CPPED1: variants seen among roughly 807,000 people sequenced by gnomAD.
The protein encoded by CPPED1 is serine/threonine-protein phosphatase CPPED1.
CPPED1 carries 28 observed loss-of-function variants against 28.0 expected under a neutral mutation model. The ratio of observed to expected loss-of-function variants is 1.00; its 90% CI spans 0.74 to 1.37. CPPED1 has a LOEUF of 1.37. Among genes scored for constraint, CPPED1 ranks in the 40% most tolerant of loss-of-function variants. CPPED1 has a pLI of 0.00. For synonymous variants in CPPED1, 198 were observed against 180.2 expected (o/e 1.10, Z -0.79); for missense variants, 504 against 416.5 (o/e 1.21, Z -1.83).
intron 2 of CPPED1, among the ~76,000 whole-genome samples, chr16:12,722,974 T>G (rs899988463): frequency 6.6e-6 from 1 of 152,182 alleles, no homozygotes; most frequent in Non-Finnish European, 1.5e-5. Flanking sequence ...TACCCACTTC[T>G]TGACTCTCCT....
chr16:12,744,297 A>AAAGCAAGCAAGCAAGCAAGC (rs1167597052), intron 2 of CPPED1, among the ~76,000 whole-genome samples: 1 of 130,180 alleles, frequency 7.7e-6, no homozygotes, highest in African/African-American at 3.1e-5. Flanking sequence ...AGAGAGAGAG[A>AAAGCAAGCAAGCAAGCAAGC]AAGCAAGCAA....
intron 2 of CPPED1, among the ~76,000 whole-genome samples, chr16:12,707,962 C>A (rs1437094801): frequency 6.6e-6 from 1 of 152,120 alleles, no homozygotes; most frequent in Non-Finnish European, 1.5e-5. Flanking sequence ...ACCTGGCCAA[C>A]ATGGTGAAAC....
At chr16:12,775,078 C>G (rs1269723551) in intron 2 of CPPED1, among the ~76,000 whole-genome samples, 2 of 152,130 alleles carry the variant, frequency 1.3e-5, no homozygotes, top group African/African-American at 4.8e-5. Flanking sequence ...CCTTGGCCTC[C>G]CAAAGTGCTG....
intron 1 of CPPED1, among the ~76,000 whole-genome samples, chr16:12,803,205 G>C (rs963391398): frequency 6.6e-6 from 1 of 152,192 alleles, no homozygotes. Context: ...TGCTCTGATG[G>C]GGCAGTGTTA....
At chr16:12,675,642 G>C (rs933241313) in intron 3 of CPPED1, among the ~76,000 whole-genome samples, 1 of 152,170 alleles carries the variant, frequency 6.6e-6, no homozygotes, top group Non-Finnish European at 1.5e-5. Flanking sequence ...CTTGGTGTTG[G>C]GGCTTAGACC....
intron 2 of CPPED1, among the ~76,000 whole-genome samples, chr16:12,740,408 G>A (rs2080248935): frequency 6.7e-6 from 1 of 148,464 alleles, no homozygotes; most frequent in African/African-American, 2.5e-5. Flanking sequence ...TTGCACCACT[G>A]CACACCAACC....
At chr16:12,745,142 A>G (rs1363229144) in intron 2 of CPPED1, among the ~76,000 whole-genome samples, 1 of 152,180 alleles carries the variant, frequency 6.6e-6, no homozygotes, top group African/African-American at 2.4e-5. Flanking sequence ...AACTTCAAGC[A>G]GGCTAATAAG....
intron 1 of CPPED1, among the ~76,000 whole-genome samples, chr16:12,796,792 T>C (rs984602370): frequency 1.3e-5 from 2 of 152,150 alleles, no homozygotes; most frequent in African/African-American, 4.8e-5. Flanking sequence ...ATAGCAGCTT[T>C]ATTCCCAATA....
At chr16:12,800,424 T>A (rs1299882050) in intron 1 of CPPED1, among the ~76,000 whole-genome samples, 2 of 137,658 alleles carry the variant, frequency 1.5e-5, no homozygotes, top group Non-Finnish European at 3.0e-5. Context: ...AGAGCTAGAC[T>A]CTGTCTCAAA....
chr16:12,723,402 C>CAAGGTAAGT (rs767684762), intron 2 of CPPED1, among the ~76,000 whole-genome samples: 1 of 152,140 alleles, frequency 6.6e-6, no homozygotes, highest in Non-Finnish European at 1.5e-5. Flanking sequence ...GGGTCTCCAA[C>CAAGGTAAGT]AAGGTAAGTA....
chr16:12,769,130 G>T (rs1325098163), intron 2 of CPPED1, among the ~76,000 whole-genome samples: 1 of 151,988 alleles, frequency 6.6e-6, no homozygotes, highest in African/African-American at 2.4e-5. Context: ...CTCCCTAAGT[G>T]CTCTGATTAC....
In CPPED1 at chr16:12,801,389, G is replaced by A. The variant is rs150481852; in HGVS notation, c.70+2318C>T. Among the ~76,000 whole-genome samples the A allele has an allele frequency of 9.9e-5, 15 of 152,026 alleles. No homozygotes were observed. In the East Asian group the frequency reaches 1.2e-3, roughly 12 times the overall value. ...ATTACAGGCGTGAGCCACCGCGGCC[G>A]GCCCTCAACAAATATATAGGCGTGA... On this transcript the variant is annotated intron_variant, in intron 1 of 3. Coordinates refer to ENST00000381774, the MANE Select transcript of CPPED1 (RefSeq NM_018340.3).
At chr16:12,786,883 G>A (rs1171739132) in intron 1 of CPPED1, among the ~76,000 whole-genome samples, 2 of 152,334 alleles carry the variant, frequency 1.3e-5, no homozygotes, top group East Asian at 3.9e-4. Flanking sequence ...CTGCACTCCA[G>A]CCTGGGTGAC....
Position 12,802,313 on chromosome 16 carries a change from C to T in CPPED1, c.70+1394G>A, listed in dbSNP as rs554797159. Among the ~76,000 whole-genome samples, 20 of 152,204 alleles carry T rather than the reference C, an allele frequency of 1.3e-4. No individual in the cohort carries two copies. The East Asian group carries it at 3.9e-3, about 29-fold the overall frequency. ...AAGACAAGGTCCATTAAAATACAGT[C>T]GTCCCAGGCCGGGCGCGGTGGCTCA... is the stretch of plus-strand genomic sequence containing the variant. On this transcript the variant is annotated intron_variant, in intron 1 of 3. Coordinates refer to ENST00000381774, the MANE Select transcript of CPPED1 (RefSeq NM_018340.3).
chr16:12,760,995 G>A (rs999375550), intron 2 of CPPED1: 3 of 151,362 alleles, frequency 2.0e-5, no homozygotes, highest in African/African-American at 7.4e-5. Context: ...CTGTCATTAA[G>A]TTCCAGTGAG....
intron 2 of CPPED1, chr16:12,757,837 T>G (rs1378859401): frequency 6.6e-6 from 1 of 150,932 alleles, no homozygotes; most frequent in Non-Finnish European, 1.5e-5. Context: ...TCAGATCATT[T>G]GGCTGGAAAG....
chr16:12,708,661 T>A (rs1256952135), intron 2 of CPPED1, among the ~76,000 whole-genome samples: 3 of 152,234 alleles, frequency 2.0e-5, no homozygotes, highest in Non-Finnish European at 4.4e-5. Context: ...AATGCCAACA[T>A]TTGCATGATC....
intron 3 of CPPED1, among the ~76,000 whole-genome samples, chr16:12,691,828 GGGGA>G (rs377699697): frequency 0.11 from 12,181 of 106,064 alleles, 1,619 homozygotes; most frequent in African/African-American, 0.34. Context: ...GGGGGGAGGG[GGGGA>G]GGGATAGCAT....
Position 12,664,792 on chromosome 16 carries a change from T to C in CPPED1, c.*94A>G. The C allele has an allele frequency of 2.6e-6, 4 of 1,556,352 alleles. No individual in the cohort carries two copies. Among genetic ancestry groups the C allele is most frequent in the Non-Finnish European group, 3.5e-6 (4 of 1,158,754 alleles). On this transcript the variant is annotated 3_prime_UTR_variant, in exon 4 of 4. Coordinates refer to ENST00000381774, the MANE Select transcript of CPPED1 (RefSeq NM_018340.3). The surrounding 1 kb of genome is among the most constrained non-coding windows in gnomAD (Gnocchi z 4.2). ...AAATTCACAAACCTGCCTGGGCTAT[T>C]TTTATATTTCAGCAAGAGGTTGTGT...
Sources: gnomAD v4.1 joint callset for allele counts (sites outside exome capture counted in the v4.1 genomes callset) on GRCh38, gnomAD v4.1.1 for gene constraint, Gnocchi (gnomAD v3.1) non-coding constraint, MANE v1.5 for transcripts, NCBI Gene and HGNC (gene_info 2026-07-23, HGNC 2026-07-21) for gene names.